The following RBFOX2 variants were observed in gnomAD, a reference collection of about 807,000 sequenced individuals.
The protein encoded by RBFOX2 is RNA binding protein fox-1 homolog 2.
In RBFOX2, 10 loss-of-function variants were observed where a neutral mutation model predicts 49.1. The observed-to-expected ratio is 0.20, with a 90% CI of 0.13 to 0.35. The LOEUF (loss-of-function observed/expected upper bound fraction) is 0.35. RBFOX2 is among the 10% of genes least tolerant of loss of function. RBFOX2 has a pLI of 1.00. For synonymous variants in RBFOX2, 183 were observed against 187.4 expected, an observed-to-expected ratio of 0.98 and a Z score of 0.19; for missense variants, 323 against 486.9, an observed-to-expected ratio of 0.66 and a Z score of 3.17.
intron 1 of RBFOX2, among the ~76,000 whole-genome samples, chr22:35,900,755 T>A (rs1328179148): frequency 6.6e-6 from 1 of 152,164 alleles, no homozygotes; most frequent in East Asian, 1.9e-4. Flanking sequence ...TGGAAACTCC[T>A]TAGATTTGAA....
chr22:35,994,383 C>T (rs1569520520), intron 1 of RBFOX2: 1 of 146,322 alleles, frequency 6.8e-6, no homozygotes, highest in Non-Finnish European at 1.5e-5. Flanking sequence ...TTTATTTATT[C>T]ATTTTATTTA....
chr22:35,806,170 G>A (rs1950696018), intron 2 of RBFOX2, among the ~76,000 whole-genome samples: 1 of 152,110 alleles, frequency 6.6e-6, no homozygotes, highest in Non-Finnish European at 1.5e-5. Context: ...ATGGTAACAG[G>A]TGTACCACTC....
intron 1 of RBFOX2, among the ~76,000 whole-genome samples, chr22:35,905,514 T>C (rs2049029070): frequency 6.6e-6 from 1 of 152,216 alleles, no homozygotes; most frequent in Non-Finnish European, 1.5e-5. Flanking sequence ...CTGAAATGAC[T>C]GAATCTTAAA....
chr22:35,995,467 A>T (rs2058151653), intron 1 of RBFOX2: 1 of 152,210 alleles, frequency 6.6e-6, no homozygotes, highest in South Asian at 2.1e-4. Context: ...CAGTGATCCA[A>T]CTGATACGGT....
chr22:35,840,536 C>T lies in RBFOX2; in HGVS notation c.-318G>A, dbSNP rs575863281. ...CCACCTCTTCCTCCTCCCCCCACCC[C>T]CTCCCAGCAGGCTGACATCTCCCAA... On this transcript the variant is annotated 5_prime_UTR_variant, in exon 1 of 12. Coordinates refer to ENST00000405409, the Ensembl canonical transcript of RBFOX2. 164 of 1,215,912 alleles carry T rather than the reference C, an allele frequency of 1.3e-4. No individual in the cohort carries two copies. The African/African-American group carries it at 1.7e-3, about 12-fold the overall frequency. The allele number at this position is 1,215,912 out of a possible 1,614,324, so 75.3% of individuals were successfully genotyped here. A position where few individuals can be genotyped will look rare whatever the true frequency, so the allele number is the denominator to read the frequency against.
intron 2 of RBFOX2, 111 bp downstream of exon 3, chr22:35,809,653 AAGGTGTAAATGAGAAC>A: frequency 9.8e-7 from 1 of 1,015,518 alleles, no homozygotes; most frequent in Non-Finnish European, 1.5e-6. Context: ...CTGTTGAGAG[AAGGTGTAAATGAGAAC>A]AGGTGTAAAT....
intron 3 of RBFOX2, 93 bp downstream of exon 4, chr22:35,781,507 G>A: frequency 6.9e-7 from 1 of 1,459,320 alleles, no homozygotes; most frequent in Non-Finnish European, 9.3e-7. Flanking sequence ...TCTATTTGTA[G>A]TTTAATCCTA....
chr22:35,946,385 G>C (rs2054280584), intron 1 of RBFOX2, among the ~76,000 whole-genome samples: 1 of 152,126 alleles, frequency 6.6e-6, no homozygotes, highest in East Asian at 1.9e-4. Flanking sequence ...TCAAATTCTG[G>C]CTGGGTCACT....
upstream of RBFOX2, among the ~76,000 whole-genome samples, chr22:35,844,699 T>C: frequency 6.6e-6 from 1 of 150,608 alleles, no homozygotes; most frequent in Admixed American, 6.6e-5. Context: ...TAGAGATATG[T>C]TTCACCATGT....
chr22:35,897,633 A>C (rs1229041980), intron 1 of RBFOX2: 52 of 1,384,962 alleles, frequency 3.8e-5, no homozygotes, highest in East Asian at 4.6e-5. Context: ...TCCCATTGGC[A>C]TCAGGATCCT....
At chr22:35,922,477 CAGA>C (rs1214209655) in intron 1 of RBFOX2, among the ~76,000 whole-genome samples, 1 of 151,504 alleles carries the variant, frequency 6.6e-6, no homozygotes, top group East Asian at 1.9e-4. Context: ...AAGGCTGAGG[CAGA>C]AGAATTGCTT....
chr22:35,923,120 G>GT (rs1225761862), intron 1 of RBFOX2, among the ~76,000 whole-genome samples: 1 of 152,134 alleles, frequency 6.6e-6, no homozygotes, highest in Non-Finnish European at 1.5e-5. Flanking sequence ...TTTCTGGCAT[G>GT]TTTTTTGGCT....
intron 1 of RBFOX2, among the ~76,000 whole-genome samples, chr22:35,931,884 C>T (rs763125056): frequency 2.0e-5 from 3 of 152,170 alleles, no homozygotes; most frequent in Non-Finnish European, 4.4e-5. Context: ...CAGGAAAAAT[C>T]CAGCAGAAAT....
At chr22:35,793,152 A>G (rs1948110158) in intron 2 of RBFOX2, among the ~76,000 whole-genome samples, 1 of 152,218 alleles carries the variant, frequency 6.6e-6, no homozygotes, top group South Asian at 2.1e-4. Context: ...CGGGTGGATC[A>G]CCTGAGGTCA....
chr22:35,864,481 G>A (rs2043449356), intron 1 of RBFOX2, among the ~76,000 whole-genome samples: 1 of 152,134 alleles, frequency 6.6e-6, no homozygotes, highest in Admixed American at 6.5e-5. Flanking sequence ...AGGCCCCAAA[G>A]GTGAACATTT....
chr22:35,838,799 G>A (rs2148819686), intron 1 of RBFOX2, among the ~76,000 whole-genome samples: 1 of 152,336 alleles, frequency 6.6e-6, no homozygotes, highest in Non-Finnish European at 1.5e-5. Flanking sequence ...AAAAGAGGAA[G>A]GAGTTTGTTG....
intron 1 of RBFOX2, among the ~76,000 whole-genome samples, chr22:35,875,512 G>A (rs907481018): frequency 3.3e-5 from 5 of 152,074 alleles, no homozygotes; most frequent in Non-Finnish European, 5.9e-5. Context: ...ATGAATGAGC[G>A]GTCAGAATCG....
At chr22:35,760,821 G>A (rs549379715) in intron 8 of RBFOX2, among the ~76,000 whole-genome samples, 1 of 152,150 alleles carries the variant, frequency 6.6e-6, no homozygotes, top group South Asian at 2.1e-4. Context: ...AAGAGAGCTG[G>A]GAATAATCAA....
Position 35,854,491 on chromosome 22 carries a change from G to A in RBFOX2, c.-33-44487C>T, listed in dbSNP as rs372912466. On this transcript the variant is annotated intron_variant, in intron 1 of 13. Coordinates refer to the RBFOX2 transcript ENST00000359369. ...TGCCTATACTCCCACCTACTTCGGA[G>A]GCTGAGGTGGGAGAATCACATAAAC... is the stretch of plus-strand genomic sequence containing the variant. Among the ~76,000 whole-genome samples, 46 of 151,922 alleles carry A rather than the reference G, an allele frequency of 3.0e-4. 2 individuals are homozygous for A. In the East Asian group the frequency reaches 8.1e-3, roughly 27 times the overall value.
Sources: allele counts gnomAD v4.1 joint callset (sites outside exome capture counted in the v4.1 genomes callset), GRCh38; gene constraint gnomAD v4.1.1; transcripts MANE v1.5; gene names NCBI Gene and HGNC (gene_info 2026-07-23, HGNC 2026-07-21).